The following SLC23A1 variants were observed in gnomAD, a reference collection of about 807,000 sequenced individuals.
SLC23A1 encodes the protein Na(+)/L-ascorbic acid transporter 1.
In SLC23A1, 31 loss-of-function variants were observed where a neutral mutation model predicts 62.5. That is an observed-to-expected ratio of 0.50 (90% confidence interval 0.37 to 0.67). The LOEUF (loss-of-function observed/expected upper bound fraction) is 0.67. SLC23A1 is among the 30% of genes least tolerant of loss of function. SLC23A1 has a pLI of 0.00. For missense variants in SLC23A1, 640 were observed against 782.7 expected, an observed-to-expected ratio of 0.82 and a Z score of 2.18; for synonymous variants, 271 against 313.2, an observed-to-expected ratio of 0.87 and a Z score of 1.42.
At position 139,378,215 on chromosome 5, in the gene SLC23A1, C is replaced by T; in HGVS notation, c.1309+7G>A. The stretch of plus-strand genomic sequence containing the variant: ...ACCGCGACCCGTGGCCCGCGCCAGA[C>T]ACTCACCAAAGAGAGTGCAGAACAT... On this transcript the variant is annotated splice_region_variant and intron_variant, in intron 11 of 14. Transcript: ENST00000348729. The surrounding 1 kb of genome is among the most constrained non-coding windows in gnomAD (Gnocchi z 4.5). 1 of 1,612,974 alleles carries T rather than the reference C, an allele frequency of 6.2e-7. No homozygotes were observed. The highest frequency in any genetic ancestry group is 1.1e-5 in the South Asian group (1 of 90,936).
intron 13 of SLC23A1, 49 bp downstream of exon 13, chr5:139,377,353 G>A (rs1757995926): frequency 7.1e-6 from 7 of 981,536 alleles, no homozygotes; most frequent in Non-Finnish European, 1.2e-5. Context: ...CTGTTGGAGT[G>A]CATGAGTCCA....
At chr5:139,372,353 C>A in intron 13 of SLC23A1, 100 bp from the exon 14 acceptor site, 1 of 1,112,412 alleles carries the variant, frequency 9.0e-7, no homozygotes. Context: ...AATCAAGTAT[C>A]TTCCTTAACT....
At chr5:139,369,324 A>G (rs969701254) in intron 14 of SLC23A1, 6 of 152,914 alleles carry the variant, frequency 3.9e-5, no homozygotes, top group African/African-American at 1.2e-4. Flanking sequence ...GTGCCAGTCC[A>G]GCCTTTTCTG....
chr5:139,376,129 G>A (rs966597576), intron 13 of SLC23A1, among the ~76,000 whole-genome samples: 13 of 151,794 alleles, frequency 8.6e-5, no homozygotes, highest in Non-Finnish European at 1.6e-4. Flanking sequence ...GTGATAGTCT[G>A]AGACCCTGTC....
At position 139,381,994 on chromosome 5, in the gene SLC23A1, G is replaced by T. The variant is rs369192547; in HGVS notation, c.206C>A (p.Ala69Glu). 6.2e-7 allele frequency: 1 copy of T among 1,606,346 alleles called. No homozygotes were observed. Among genetic ancestry groups the T allele is most frequent in the Non-Finnish European group, 8.5e-7 (1 of 1,176,520 alleles). Residue 69 changes from alanine to glutamate, a missense_variant, in exon 3 of 15, where the codon GCG (alanine) becomes GAG (glutamate). By Grantham distance (107) the Ala-to-Glu change is moderately radical. Transcript: ENST00000348729. Reference protein sequence around the residue: ...TIAVPFLLAEALCVGHDQHMV... With the variant: ...TIAVPFLLAEELCVGHDQHMV... ...GTGCTGGTCGTGGCCCACACACAGCGCCTCAGCCAGCAGGAAGGGCACGGC... is the reference window on the plus strand; with the variant it reads ...GTGCTGGTCGTGGCCCACACACAGCTCCTCAGCCAGCAGGAAGGGCACGGC...
At chr5:139,383,420 A>C (rs1758387816), upstream of SLC23A1, 9 of 1,394,238 alleles carry the variant, frequency 6.5e-6, no homozygotes, top group Non-Finnish European at 8.4e-6. Flanking sequence ...GTAATGTATT[A>C]ACTCTCACTA....
chr5:139,381,762 AG>A (rs1396699273), intron 3 of SLC23A1, 129 bp downstream of exon 3: 2 of 713,584 alleles, frequency 2.8e-6, no homozygotes, highest in Non-Finnish European at 4.7e-6. Flanking sequence ...GGCCTGGGAT[AG>A]GAGAAGCAGG....
chr5:139,381,943 A>G lies in SLC23A1; in HGVS notation c.257T>C (p.Ile86Thr). Residue 86 changes from isoleucine to threonine, a missense_variant, in exon 3 of 15, where the codon ATC becomes ACC. Coordinates refer to ENST00000348729, the MANE Select transcript of SLC23A1 (RefSeq NM_005847.5). ...AGTGGTGATGCCCACGCACGTGAAG[A>G]TGGTGCCGATGAGCTGACTAACCAT... is the stretch of plus-strand genomic sequence containing the variant. ...QHMVSQLIGT[I>T]FTCVGITTLI... 2 of 1,585,738 alleles carry G rather than the reference A, an allele frequency of 1.3e-6. No individual in the cohort carries two copies. The highest frequency in any genetic ancestry group is 8.6e-7 in the Non-Finnish European group (1 of 1,166,814).
At position 139,378,540 on chromosome 5, in the gene SLC23A1, G is replaced by A. The variant is rs749314827; in HGVS notation, c.1179+39C>T. ...AGTTGGGGCGGGGCCTGCGGCCCAC[G>A]GAATTAGGGCAGGATTTGGCTCTGG... On this transcript the variant is annotated intron_variant, in intron 10 of 14. Transcript: ENST00000348729. The surrounding 1 kb of genome is among the most constrained non-coding windows in gnomAD (Gnocchi z 4.5). 5.3e-6 allele frequency: 8 copies of A among 1,496,402 alleles called. No individual in the cohort carries two copies. In the South Asian group the frequency reaches 7.3e-5, roughly 14 times the overall value. The allele number at this position is 1,496,402 out of a possible 1,614,324, so 92.7% of individuals were successfully genotyped here.
At chr5:139,372,683 T>C (rs1757738215) in intron 13 of SLC23A1, among the ~76,000 whole-genome samples, 1 of 152,020 alleles carries the variant, frequency 6.6e-6, no homozygotes, top group South Asian at 2.1e-4. Flanking sequence ...CTCCCGGGTT[T>C]AAGCGATTAT....
chr5:139,377,293 G>A (rs1374096758), intron 13 of SLC23A1, 109 bp downstream of exon 13: 1 of 703,582 alleles, frequency 1.4e-6, no homozygotes, highest in Non-Finnish European at 2.6e-6. Context: ...GCTCCCTGCA[G>A]GGCCTGCATT....
chr5:139,373,561 C>T (rs1157230426), intron 13 of SLC23A1, among the ~76,000 whole-genome samples: 6 of 151,434 alleles, frequency 4.0e-5, no homozygotes, highest in African/African-American at 1.2e-4. Context: ...GGGCTGGGAT[C>T]GACAAAGACT....
At chr5:139,375,476 T>C (rs1455079755) in intron 13 of SLC23A1, among the ~76,000 whole-genome samples, 1 of 152,078 alleles carries the variant, frequency 6.6e-6, no homozygotes, top group Non-Finnish European at 1.5e-5. Flanking sequence ...GGCTGTAGTA[T>C]GCTATGATCA....
At position 139,378,047 on chromosome 5, in the gene SLC23A1, G is replaced by A. The variant is rs923374529; in HGVS notation, c.1381C>T (p.Leu461=). Residue 461 remains leucine (L), a synonymous_variant, in exon 12 of 15, where the codon CTG becomes TTG. Transcript: ENST00000348729. This position sits in a 1 kb window ranked among gnomAD's most constrained non-coding sequence, Gnocchi z 4.5. ...DMNSSRNLFV[L]GFSMFFGLTL... ...AGCCCGAAGAACATGGAAAATCCCA[G>A]CACGAAGAGGTTGCGAGAGGAGTTC... 2.5e-6 allele frequency: 4 copies of A among 1,614,024 alleles called. No homozygotes were observed. Among genetic ancestry groups the A allele is most frequent in the African/African-American group, 2.7e-5 (2 of 74,954 alleles).
Position 139,380,238 on chromosome 5 carries a change from C to A in SLC23A1, c.617G>T (p.Arg206Leu), listed in dbSNP as rs1315749977. The change falls in exon 6 of 15, where the codon CGA becomes CTA. Residue 206 changes from arginine (R) to leucine (L), a missense_variant. Arg to Leu is a moderately radical substitution (Grantham distance 102). Coordinates refer to ENST00000348729, the MANE Select transcript of SLC23A1 (RefSeq NM_005847.5). Reference sequence around the variant, plus strand: ...TGAGATGCCCCAGTGGGAGCCAGCTCGGTCGCCAGCAGCTTGGAAGACAGA... The same window carrying A: ...TGAGATGCCCCAGTGGGAGCCAGCTAGGTCGCCAGCAGCTTGGAAGACAGA... ...GLSVFQAAGD[R>L]AGSHWGISAC... 6.4e-7 allele frequency: 1 copy of A among 1,563,704 alleles called. No homozygotes were observed. Among genetic ancestry groups the A allele is most frequent in the Admixed American group, 1.9e-5 (1 of 51,854 alleles).
chr5:139,376,240 G>A (rs1173307549), intron 13 of SLC23A1, among the ~76,000 whole-genome samples: 2 of 150,878 alleles, frequency 1.3e-5, no homozygotes, highest in Non-Finnish European at 2.9e-5. Flanking sequence ...CACGATCTCG[G>A]CCCACCGCAA....
chr5:139,379,626 T>C lies in SLC23A1; in HGVS notation c.925+52A>G. On this transcript the variant is annotated intron_variant, in intron 8 of 14. Transcript: ENST00000348729. This position sits in a 1 kb window ranked among gnomAD's most constrained non-coding sequence, Gnocchi z 4.7. ...CTGGATTGGGGTCACCAGGAGTCTG[T>C]CTCATAGGTGGTCTCAGTTGGGGGC... 2 of 1,530,636 alleles carry C rather than the reference T, an allele frequency of 1.3e-6. No homozygotes were observed. The highest frequency in any genetic ancestry group is 3.8e-5 in the Admixed American group (2 of 52,684). The allele number at this position is 1,530,636 out of a possible 1,614,324, so 94.8% of individuals were successfully genotyped here. A position where few individuals can be genotyped will look rare whatever the true frequency, so the allele number is the denominator to read the frequency against.
chr5:139,374,393 C>T (rs562547972), intron 13 of SLC23A1, among the ~76,000 whole-genome samples: 141 of 152,262 alleles, frequency 9.3e-4, no homozygotes, highest in African/African-American at 3.3e-3. Context: ...GCCAAGATTG[C>T]GCCACTGCAC....
At position 139,379,230 on chromosome 5, in the gene SLC23A1, G is replaced by A; in HGVS notation, c.1050C>T (p.Pro350=). Residue 350 remains proline, a synonymous_variant, in exon 9 of 15, where the codon CCC becomes CCT. Coordinates refer to ENST00000348729, the MANE Select transcript of SLC23A1 (RefSeq NM_005847.5). This position sits in a 1 kb window ranked among gnomAD's most constrained non-coding sequence, Gnocchi z 4.7. ...ACCTGTTGATAGCATGTACTGGAGG[G>A]GGTGGTGCACCAGCCAGGCGGGCAC... ...YACARLAGAP[P]PPVHAINRGI... is the part of the protein sequence containing the mutation. 1 of 1,614,200 alleles carries A rather than the reference G, an allele frequency of 6.2e-7. No homozygotes were observed. Among genetic ancestry groups the A allele is most frequent in the South Asian group, 1.1e-5 (1 of 91,082 alleles).
Sources: allele counts gnomAD v4.1 joint callset (sites outside exome capture counted in the v4.1 genomes callset), GRCh38; gene constraint gnomAD v4.1.1; non-coding constraint Gnocchi (gnomAD v3.1); transcripts MANE v1.5; gene names NCBI Gene and HGNC (gene_info 2026-07-23, HGNC 2026-07-21).